RBM38: variants seen among roughly 807,000 people sequenced by gnomAD.
RBM38 encodes the protein RNA-binding protein 38.
RBM38 carries 11 observed loss-of-function variants against 23.5 expected under a neutral mutation model. That is an observed-to-expected ratio of 0.47 (90% CI 0.29 to 0.77). RBM38 has a LOEUF of 0.77. Among genes scored for constraint, RBM38 ranks in the 30% least tolerant of loss-of-function variants. The pLI is 0.08. For missense variants in RBM38, 330 were observed against 351.9 expected (o/e 0.94, Z 0.50); for synonymous variants, 165 against 166.1 (o/e 0.99, Z 0.05).
chr20:57,405,367 G>A (rs887595549), intron 3 of RBM38, among the ~76,000 whole-genome samples: 1 of 152,328 alleles, frequency 6.6e-6, no homozygotes, highest in East Asian at 1.9e-4. Context: ...GGCTCCGCGC[G>A]AGGCCCTTGT....
intron 3 of RBM38, chr20:57,400,074 C>T (rs535977425): frequency 1.1e-5 from 5 of 445,666 alleles, no homozygotes; most frequent in African/African-American, 4.0e-5. Flanking sequence ...CAGACTCTGC[C>T]GGAGGCCCAA....
rs2067415577 is a variant in RBM38, at chr20:57,408,812, T to G, written c.*966T>G. 1 of 152,448 alleles carries G rather than the reference T, an allele frequency of 6.6e-6. No homozygotes were observed. The highest frequency in any genetic ancestry group is 2.4e-5 in the African/African-American group (1 of 41,418). 9.4% of individuals were successfully genotyped at this position (152,448 alleles called of 1,614,324 possible). On this transcript the variant is annotated 3_prime_UTR_variant, in exon 4 of 4. Transcript: ENST00000356208. ...CCCGTCACTGCGACGTTGACACTCC[T>G]CTCCCTTCCCTTCCTCCCCAACTCC...
intron 3 of RBM38, among the ~76,000 whole-genome samples, chr20:57,403,631 T>C (rs2067352079): frequency 6.6e-6 from 1 of 150,982 alleles, no homozygotes; most frequent in Admixed American, 6.6e-5. Flanking sequence ...TTCTATGGCT[T>C]TTTTTTTTGA....
At chr20:57,391,872 C>G (rs927621798) in intron 1 of RBM38, 54 bp downstream of exon 1, 15 of 1,295,808 alleles carry the variant, frequency 1.2e-5, no homozygotes, top group East Asian at 3.5e-5. Flanking sequence ...TATCGCGGCC[C>G]GGGCGCCGAG....
intron 3 of RBM38, among the ~76,000 whole-genome samples, chr20:57,406,093 A>G (rs1025261630): frequency 3.3e-5 from 5 of 152,162 alleles, no homozygotes; most frequent in Non-Finnish European, 7.4e-5. Context: ...CAGAGGAGAT[A>G]CTGATGCCCA....
chr20:57,402,101 C>G (rs2067334005), intron 3 of RBM38, among the ~76,000 whole-genome samples: 2 of 152,086 alleles, frequency 1.3e-5, no homozygotes, highest in Non-Finnish European at 2.9e-5. Context: ...GCACGCACCA[C>G]CACGCCCAGC....
rs748735838 is a variant in RBM38 at position 57,395,739 on chromosome 20, C to G, written c.416+2406C>G. Among the ~76,000 whole-genome samples the G allele has an allele frequency of 4.9e-4, 74 of 152,210 alleles. 1 individual carries two copies. The highest frequency in any genetic ancestry group is 6.8e-3 in the Middle Eastern group (2 of 294). On this transcript the variant is annotated intron_variant, in intron 3 of 3. Transcript: ENST00000356208. ...GCTGCCTGGGTCAGCTGTCTGCCCC[C>G]AGCCCCCGCCCGCTGACGGAGCTGG...
At position 57,407,670 on chromosome 20, in the gene RBM38, T is replaced by A; in HGVS notation, c.544T>A (p.Tyr182Asn). Residue 182 changes from tyrosine to asparagine, a missense_variant, in exon 4 of 4, where the codon TAC becomes AAC. Physicochemically the swap from Tyr to Asn is moderately radical, Grantham distance 143 (BLOSUM62 -2). Around this residue, in one of 3 missense-constraint regions of RBM38, gnomAD observed 227 missense variants for 216.4 expected, o/e 1.05. Coordinates refer to ENST00000356208, the MANE Select transcript of RBM38 (RefSeq NM_017495.6). The surrounding 1 kb of genome is among the most constrained non-coding windows in gnomAD (Gnocchi z 4.0). ...GCCGGCCAGCCCGGCCTACGCCCAG[T>A]ACCCACCGGCCACCTATGACCAGTA... ...YTPASPAYAQ[Y>N]PPATYDQYPY... The A allele has an allele frequency of 8.1e-6, 13 of 1,612,790 alleles. No individual in the cohort carries two copies. Among genetic ancestry groups the A allele is most frequent in the Non-Finnish European group, 1.0e-5 (12 of 1,179,690 alleles).
intron 1 of RBM38, chr20:57,392,295 C>A (rs1320636187): frequency 7.8e-6 from 5 of 644,470 alleles, no homozygotes; most frequent in Non-Finnish European, 1.3e-5. Flanking sequence ...AGCATAGCGT[C>A]GCAAACTCCT....
rs76457849 is a variant in RBM38, at chr20:57,407,165, G to T, written c.417-378G>T. Among the ~76,000 whole-genome samples the T allele has an allele frequency of 0.027, 4,089 of 152,234 alleles. 187 individuals are homozygous for T. Among genetic ancestry groups the T allele is most frequent in the African/African-American group, 0.093 (3,855 of 41,504 alleles). The stretch of plus-strand genomic sequence containing the variant: ...ACATGCAACCAGGACATTCGTACCG[G>T]GCCCTGCTCTTGATCGCATGCTCCG... On this transcript the variant is annotated intron_variant, in intron 3 of 3. Coordinates refer to ENST00000356208, the MANE Select transcript of RBM38 (RefSeq NM_017495.6). The surrounding 1 kb of genome is among the most constrained non-coding windows in gnomAD (Gnocchi z 4.0).
intron 3 of RBM38, among the ~76,000 whole-genome samples, chr20:57,397,688 G>A (rs1013069273): frequency 1.3e-5 from 2 of 152,210 alleles, no homozygotes; most frequent in Non-Finnish European, 2.9e-5. Context: ...AGCATGGGAT[G>A]CACAAGCTGG....
At chr20:57,392,630 C>G (rs1482420209) in intron 1 of RBM38, 24 bp from the exon 2 acceptor site, 1 of 1,604,930 alleles carries the variant, frequency 6.2e-7, no homozygotes, top group Non-Finnish European at 8.5e-7. Context: ...CACGGCAGCC[C>G]CTGATGTGTC....
In RBM38 at chr20:57,407,845, G is replaced by GA. The variant is rs1173951135; in HGVS notation, c.720dup. 10 of 1,558,896 alleles carry GA rather than the reference G, an allele frequency of 6.4e-6. No individual in the cohort carries two copies. The highest frequency in any genetic ancestry group is 8.6e-6 in the Non-Finnish European group (10 of 1,156,570). ...CAGCTGCAGCCTGACAGGATGCAGT[G>GA]AGGGGCGTTCCTGCCCCGAGGACTG... ...APQLQPDRMQ[*] The change falls in exon 4 of 4, where the codon TGA becomes TGAA. Residue 240 remains the stop codon, a frameshift_variant and stop_retained_variant. Transcript: ENST00000356208. LOFTEE classifies it high-confidence loss of function. This position sits in a 1 kb window ranked among gnomAD's most constrained non-coding sequence, Gnocchi z 4.0.
At chr20:57,403,529 A>G (rs1184471032) in intron 3 of RBM38, among the ~76,000 whole-genome samples, 2 of 152,156 alleles carry the variant, frequency 1.3e-5, no homozygotes, top group African/African-American at 4.8e-5. Context: ...GCCCCACTGT[A>G]CCAGTCCCTT....
intron 3 of RBM38, among the ~76,000 whole-genome samples, chr20:57,393,933 C>T (rs1431721037): frequency 6.6e-6 from 1 of 152,132 alleles, no homozygotes; most frequent in Non-Finnish European, 1.5e-5. Flanking sequence ...TAAAACGCCT[C>T]CCACCTCCCT....
chr20:57,391,978 C>T (rs1404009325), intron 1 of RBM38, among the ~76,000 whole-genome samples, 160 bp downstream of exon 1: 5 of 95,196 alleles, frequency 5.3e-5, no homozygotes, highest in African/African-American at 1.2e-4. Context: ...CGGGCGCGCT[C>T]CTGCCGGTCC....
At chr20:57,406,732 G>A (rs2067388374) in intron 3 of RBM38, among the ~76,000 whole-genome samples, 1 of 152,148 alleles carries the variant, frequency 6.6e-6, no homozygotes, top group Non-Finnish European at 1.5e-5. Flanking sequence ...GGTGGCTCAC[G>A]CCTGTAATCC....
chr20:57,395,060 A>G (rs1051249514), intron 3 of RBM38, among the ~76,000 whole-genome samples: 4 of 152,226 alleles, frequency 2.6e-5, no homozygotes, highest in Admixed American at 6.5e-5. Flanking sequence ...GAAAACAGGA[A>G]CATTAACTGC....
chr20:57,406,352 G>A (rs976797756), intron 3 of RBM38, among the ~76,000 whole-genome samples: 1 of 152,182 alleles, frequency 6.6e-6, no homozygotes, highest in African/African-American at 2.4e-5. Context: ...GGAAGTGTTG[G>A]CCTCAATGCG....
Sources: allele counts gnomAD v4.1 joint callset (sites outside exome capture counted in the v4.1 genomes callset), GRCh38; gene constraint gnomAD v4.1.1; regional missense constraint gnomAD v4.1.1; non-coding constraint Gnocchi (gnomAD v3.1); transcripts MANE v1.5; gene names NCBI Gene and HGNC (gene_info 2026-07-23, HGNC 2026-07-21).